The following NALCN variants were observed in gnomAD, a reference collection of about 807,000 sequenced individuals.
NALCN encodes sodium leak channel NALCN.
NALCN carries 111 observed loss-of-function variants against 225.3 expected under a neutral mutation model. The ratio of observed to expected loss-of-function variants is 0.49; its 90% CI spans 0.42 to 0.58. The LOEUF (loss-of-function observed/expected upper bound fraction) is 0.58. Ranked by LOEUF, NALCN falls within the 20% of genes least tolerant of loss-of-function variation. NALCN has a pLI of 0.00. For missense variants in NALCN, 1,378 were observed against 2,202.4 expected (o/e 0.63, Z 7.49); for synonymous variants, 764 against 769.0 (o/e 0.99, Z 0.11).
At chr13:101,065,357 C>G in intron 40 of NALCN, 47 bp downstream of exon 40, 3 of 1,601,690 alleles carry the variant, frequency 1.9e-6, no homozygotes, top group Non-Finnish European at 2.6e-6. Context: ...AGGCTGACAG[C>G]TGTGGTTTCT....
chr13:101,080,262 C>T (rs1167127623), intron 34 of NALCN, among the ~76,000 whole-genome samples: 1 of 152,012 alleles, frequency 6.6e-6, no homozygotes, highest in Non-Finnish European at 1.5e-5. Context: ...ACATGGTAAC[C>T]AGCAGCCACA....
chr13:101,300,353 T>TC (rs2043912306), intron 7 of NALCN, among the ~76,000 whole-genome samples: 1 of 132,722 alleles, frequency 7.5e-6, no homozygotes, highest in Non-Finnish European at 1.6e-5. Flanking sequence ...TTCTTTTTCT[T>TC]CTTTCTTTCT....
At chr13:101,367,071 T>C (rs929206820) in intron 6 of NALCN, among the ~76,000 whole-genome samples, 2 of 152,174 alleles carry the variant, frequency 1.3e-5, no homozygotes, top group Admixed American at 1.3e-4. Flanking sequence ...CTTAGCATAA[T>C]GTCCTCTAGA....
intron 13 of NALCN, among the ~76,000 whole-genome samples, chr13:101,221,610 C>A (rs918137954): frequency 1.3e-5 from 2 of 152,144 alleles, no homozygotes; most frequent in African/African-American, 4.8e-5. Flanking sequence ...CAGGATTTTG[C>A]TGCAATATGT....
intron 11 of NALCN, among the ~76,000 whole-genome samples, chr13:101,239,024 C>G (rs1232983588): frequency 6.6e-6 from 1 of 151,888 alleles, no homozygotes; most frequent in African/African-American, 2.4e-5. Context: ...CCTTAAAAAA[C>G]ATAACAAGGT....
At chr13:101,106,823 C>T (rs1197572878) in intron 22 of NALCN, among the ~76,000 whole-genome samples, 1 of 152,184 alleles carries the variant, frequency 6.6e-6, no homozygotes, top group African/African-American at 2.4e-5. Context: ...TTATAAATTA[C>T]CCAGTCTCAG....
intron 13 of NALCN, among the ~76,000 whole-genome samples, chr13:101,204,967 G>C (rs1345965719): frequency 6.6e-6 from 1 of 152,126 alleles, no homozygotes; most frequent in Non-Finnish European, 1.5e-5. Flanking sequence ...CCCTACTGCA[G>C]ATGGAGAGCT....
intron 41 of NALCN, 148 bp downstream of exon 41, chr13:101,061,820 G>A: frequency 2.9e-6 from 2 of 693,828 alleles, no homozygotes; most frequent in East Asian, 2.8e-5. Flanking sequence ...ACCACTGTAA[G>A]TGGAGGTAGT....
chr13:101,105,675 A>G (rs1448133436), intron 22 of NALCN, among the ~76,000 whole-genome samples: 1 of 152,206 alleles, frequency 6.6e-6, no homozygotes, highest in Non-Finnish European at 1.5e-5. Flanking sequence ...TCAATCTCCA[A>G]AATGGCATTT....
chr13:101,173,941 G>A (rs1418002434), intron 15 of NALCN, among the ~76,000 whole-genome samples: 1 of 152,082 alleles, frequency 6.6e-6, no homozygotes, highest in Admixed American at 6.6e-5. Flanking sequence ...ATGAGAATGT[G>A]TGTGTTTTTA....
At chr13:101,291,498 C>T (rs1165520334) in intron 9 of NALCN, among the ~76,000 whole-genome samples, 1 of 152,116 alleles carries the variant, frequency 6.6e-6, no homozygotes, top group Non-Finnish European at 1.5e-5. Flanking sequence ...TGCCTGGAAG[C>T]TCTGATTTGA....
chr13:101,282,322 C>T (rs891847876), intron 10 of NALCN, among the ~76,000 whole-genome samples: 4 of 152,002 alleles, frequency 2.6e-5, no homozygotes, highest in African/African-American at 9.7e-5. Flanking sequence ...TATTACTCAG[C>T]CATAATAAAG....
intron 17 of NALCN, among the ~76,000 whole-genome samples, chr13:101,141,001 T>G (rs1441791248): frequency 6.6e-6 from 1 of 152,106 alleles, no homozygotes; most frequent in African/African-American, 2.4e-5. Flanking sequence ...ATGCAAGCCT[T>G]TAAGGATAGT....
intron 11 of NALCN, among the ~76,000 whole-genome samples, chr13:101,238,761 T>C (rs2041654837): frequency 6.6e-6 from 1 of 151,968 alleles, no homozygotes; most frequent in Non-Finnish European, 1.5e-5. Context: ...CTACATGATT[T>C]ATTGAAGATA....
At chr13:101,178,567 G>A (rs985666507) in intron 14 of NALCN, among the ~76,000 whole-genome samples, 2 of 152,198 alleles carry the variant, frequency 1.3e-5, no homozygotes, top group African/African-American at 4.8e-5. Context: ...AGGAAGACAA[G>A]AGCCTCCGTC....
chr13:101,313,491 C>A (rs1235062327), intron 7 of NALCN, among the ~76,000 whole-genome samples: 2 of 152,058 alleles, frequency 1.3e-5, no homozygotes, highest in African/African-American at 2.4e-5. Flanking sequence ...AAACAAACAA[C>A]CCCATCAAAA....
chr13:101,361,896 T>C (rs2046261560), intron 6 of NALCN, among the ~76,000 whole-genome samples: 1 of 152,160 alleles, frequency 6.6e-6, no homozygotes, highest in Non-Finnish European at 1.5e-5. Context: ...GGTTTTCTTT[T>C]GGTATACTGA....
intron 15 of NALCN, among the ~76,000 whole-genome samples, chr13:101,156,111 GC>G (rs2037888208): frequency 6.6e-6 from 1 of 152,072 alleles, no homozygotes; most frequent in Non-Finnish European, 1.5e-5. Flanking sequence ...AAGTCTTCCT[GC>G]TTTGGCCACT....
intron 15 of NALCN, among the ~76,000 whole-genome samples, chr13:101,150,906 A>C (rs1166394949): frequency 6.6e-6 from 1 of 152,152 alleles, no homozygotes; most frequent in African/African-American, 2.4e-5. Flanking sequence ...CTAGGATTTT[A>C]TTTCTCATAT....
Sources: gnomAD v4.1 joint callset for allele counts (sites outside exome capture counted in the v4.1 genomes callset) on GRCh38, gnomAD v4.1.1 for gene constraint, MANE v1.5 for transcripts, NCBI Gene and HGNC (gene_info 2026-07-23, HGNC 2026-07-21) for gene names.